WASF2: variants seen among roughly 807,000 people sequenced by gnomAD.
WASF2 encodes actin-binding protein WASF2.
WASF2 carries 14 observed loss-of-function variants against 45.0 expected under a neutral mutation model. The observed-to-expected ratio is 0.31, with a 90% CI of 0.21 to 0.49. The LOEUF (loss-of-function observed/expected upper bound fraction) is 0.49. WASF2 is among the 20% of genes least tolerant of loss of function. The pLI is 0.99. For synonymous variants in WASF2, 200 were observed against 236.3 expected, an observed-to-expected ratio of 0.85 and a Z score of 1.41; for missense variants, 439 against 636.1, an observed-to-expected ratio of 0.69 and a Z score of 3.33.
intron 1 of WASF2, among the ~76,000 whole-genome samples, chr1:27,472,119 T>G (rs942010606): frequency 2.6e-5 from 4 of 151,826 alleles, no homozygotes; most frequent in Non-Finnish European, 5.9e-5. Context: ...GATCACGAGG[T>G]CAGGAGATGG....
intron 1 of WASF2, among the ~76,000 whole-genome samples, chr1:27,443,701 T>C (rs1340986767): frequency 1.3e-5 from 2 of 152,208 alleles, no homozygotes; most frequent in Non-Finnish European, 2.9e-5. Context: ...CCACTAGCTA[T>C]ATGACCTTAG....
rs374440193 is a variant in WASF2, at chr1:27,443,672, A to C, written c.-43-14739T>G. Among the ~76,000 whole-genome samples, 30 of 152,200 alleles carry C rather than the reference A, an allele frequency of 2.0e-4. 1 individual carries two copies. The highest frequency in any genetic ancestry group is 9.6e-4 in the East Asian group (5 of 5,204). On this transcript the variant is annotated intron_variant, in intron 1 of 8. Transcript: ENST00000618852. ...AATCCAGAAGAATGTTCAGACAAAG[A>C]AAGCAAGGATTTCTTGAGCCACTAG...
chr1:27,443,490 G>A (rs911346689), intron 1 of WASF2, among the ~76,000 whole-genome samples: 1 of 151,698 alleles, frequency 6.6e-6, no homozygotes, highest in Non-Finnish European at 1.5e-5. Flanking sequence ...GCAGGCACCT[G>A]TAATCCCAGC....
chr1:27,487,059 A>G (rs1197152450), intron 1 of WASF2, among the ~76,000 whole-genome samples: 2 of 147,440 alleles, frequency 1.4e-5, no homozygotes, highest in Non-Finnish European at 3.0e-5. Context: ...ATTATATATA[A>G]CATATATATA....
intron 7 of WASF2, among the ~76,000 whole-genome samples, chr1:27,412,135 TAC>T (rs1382594732): frequency 1.3e-5 from 2 of 152,344 alleles, no homozygotes; most frequent in East Asian, 3.9e-4. Flanking sequence ...AACATATACA[TAC>T]AGTGTTAATT....
In WASF2 at chr1:27,414,479, C is replaced by A. The variant is rs150907291; in HGVS notation, c.668+354G>T. On this transcript the variant is annotated intron_variant, in intron 6 of 8. Transcript: ENST00000618852. The surrounding 1 kb of genome is among the most constrained non-coding windows in gnomAD (Gnocchi z 4.1). ...TGAAATGCCCAGTTCTTAGGCATGA[C>A]CTTCAAATCAATGCTCTGGAGGCAA... Among the ~76,000 whole-genome samples the A allele has an allele frequency of 8.2e-3, 1,246 of 152,202 alleles. 14 individuals carry two copies. The highest frequency in any genetic ancestry group is 8.7e-3 in the Non-Finnish European group (590 of 68,002).
chr1:27,436,982 T>C (rs1044712033), intron 1 of WASF2, among the ~76,000 whole-genome samples: 14 of 152,220 alleles, frequency 9.2e-5, no homozygotes, highest in African/African-American at 3.4e-4. Flanking sequence ...TTGATATGGC[T>C]TTAAGACAGT....
At chr1:27,418,893 GA>G (rs1419096330) in intron 3 of WASF2, 60 bp downstream of exon 3, 14 of 1,545,760 alleles carry the variant, frequency 9.1e-6, no homozygotes, top group African/African-American at 1.4e-5. Flanking sequence ...ATAAATCAGG[GA>G]AAAAAAATTC....
At chr1:27,486,315 T>C (rs569741331) in intron 1 of WASF2, among the ~76,000 whole-genome samples, 5 of 152,224 alleles carry the variant, frequency 3.3e-5, no homozygotes, top group Non-Finnish European at 5.9e-5. Flanking sequence ...AATTCAGATA[T>C]ACATTTGGTC....
intron 1 of WASF2, among the ~76,000 whole-genome samples, chr1:27,431,983 C>G (rs1251169078): frequency 6.6e-6 from 1 of 152,172 alleles, no homozygotes; most frequent in African/African-American, 2.4e-5. Context: ...TGTTTCAAAG[C>G]CACCAAAGAG....
Position 27,418,982 on chromosome 1 carries a change from G to A in WASF2, c.237C>T (p.Val79=). The change falls in exon 3 of 9, where the codon GTC becomes GTT. Residue 79 remains valine (V), a synonymous_variant. Transcript: ENST00000618852. ...AERVDRLQVK[V]TQLDPKEEEV... ...CTTCTTCCTTGGGATCCAGCTGAGT[G>A]ACTTTAACCTGTAGTCGGTCGACCC... is the stretch of plus-strand genomic sequence containing the variant. The A allele has an allele frequency of 6.2e-7, 1 of 1,613,956 alleles. No individual in the cohort carries two copies. The highest frequency in any genetic ancestry group is 8.5e-7 in the Non-Finnish European group (1 of 1,179,956).
At chr1:27,481,438 C>T (rs769395995) in intron 1 of WASF2, among the ~76,000 whole-genome samples, 1 of 152,234 alleles carries the variant, frequency 6.6e-6, no homozygotes, top group African/African-American at 2.4e-5. Context: ...GTGGCTCACG[C>T]CTGTAATCCC....
chr1:27,481,388 C>T (rs1260380250), intron 1 of WASF2, among the ~76,000 whole-genome samples: 1 of 152,018 alleles, frequency 6.6e-6, no homozygotes, highest in Admixed American at 6.5e-5. Context: ...CTCAAAAAGC[C>T]TTCTGTATTC....
At chr1:27,461,978 C>CT (rs373306411) in intron 1 of WASF2, among the ~76,000 whole-genome samples, 19,476 of 132,816 alleles carry the variant, frequency 0.15, 1,966 homozygotes, top group East Asian at 0.37. Context: ...TATTTTATTA[C>CT]TTTTTTTTTT....
intron 1 of WASF2, among the ~76,000 whole-genome samples, chr1:27,469,600 T>C (rs963242124): frequency 6.6e-6 from 1 of 152,114 alleles, no homozygotes; most frequent in African/African-American, 2.4e-5. Context: ...AGGACTTTAG[T>C]CATATAGGAG....
intron 1 of WASF2, among the ~76,000 whole-genome samples, chr1:27,448,786 G>C (rs1021277063): frequency 6.9e-6 from 1 of 144,858 alleles, no homozygotes; most frequent in Non-Finnish European, 1.5e-5. Flanking sequence ...AGGTAGCAGT[G>C]AGCCAAGATC....
At chr1:27,463,637 A>AG (rs1191108063) in intron 1 of WASF2, among the ~76,000 whole-genome samples, 1 of 150,520 alleles carries the variant, frequency 6.6e-6, no homozygotes, top group East Asian at 1.9e-4. Context: ...AAAAAAAAAA[A>AG]AAAAAAAACT....
chr1:27,434,003 G>A (rs551410681), intron 1 of WASF2, among the ~76,000 whole-genome samples: 2 of 152,300 alleles, frequency 1.3e-5, no homozygotes, highest in Admixed American at 1.3e-4. Flanking sequence ...ATATACTATA[G>A]TGATATCTGC....
chr1:27,466,749 C>T (rs987520813), intron 1 of WASF2, among the ~76,000 whole-genome samples: 5 of 151,776 alleles, frequency 3.3e-5, no homozygotes, highest in Non-Finnish European at 5.9e-5. Flanking sequence ...TGCCTGTAGT[C>T]CTAGCTACTT....
Sources: gnomAD v4.1 joint callset for allele counts (sites outside exome capture counted in the v4.1 genomes callset) on GRCh38, gnomAD v4.1.1 for gene constraint, Gnocchi (gnomAD v3.1) non-coding constraint, MANE v1.5 for transcripts, NCBI Gene and HGNC (gene_info 2026-07-23, HGNC 2026-07-21) for gene names.